CEP68: variants seen among roughly 807,000 people sequenced by gnomAD.
CEP68 encodes centrosomal protein of 68 kDa.
In CEP68, 26 loss-of-function variants were observed where a neutral mutation model predicts 55.3. The ratio of observed to expected loss-of-function variants is 0.47; its 90% confidence interval spans 0.34 to 0.65. The LOEUF (loss-of-function observed/expected upper bound fraction) is 0.65, where lower values mean the gene tolerates loss of function less well. Among genes scored for constraint, CEP68 ranks in the 30% least tolerant of loss-of-function variants. The pLI is 0.01. For synonymous variants in CEP68, 402 were observed against 383.2 expected (o/e 1.05, Z -0.57); for missense variants, 957 against 946.7 (o/e 1.01, Z -0.14).
At chr2:65,056,714 G>A (rs1675614941) in intron 1 of CEP68, among the ~76,000 whole-genome samples, 186 bp downstream of exon 1, 1 of 152,088 alleles carries the variant, frequency 6.6e-6, no homozygotes, top group Admixed American at 6.5e-5. Context: ...GGCTCCCTGG[G>A]GGGCGGGGGC....
rs1668948843 is a variant in CEP68, at chr2:65,084,054, ATTG to A, written c.*424_*426del. The A allele has an allele frequency of 6.6e-6, 1 of 152,210 alleles. No homozygotes were observed. The highest frequency in any genetic ancestry group is 1.5e-5 in the Non-Finnish European group (1 of 68,032). 9.4% of individuals were successfully genotyped at this position (152,210 alleles called of 1,614,324 possible). On this transcript the variant is annotated 3_prime_UTR_variant, in exon 7 of 7. Transcript: ENST00000377990. Reference sequence around the variant, plus strand: ...GGACCTAAGAGACTGAAAAAAGTGAATTGTTGGCCAGAAACCTTGGGTCTTTTC... The same window carrying A: ...GGACCTAAGAGACTGAAAAAAGTGAATTGGCCAGAAACCTTGGGTCTTTTC...
intron 3 of CEP68, 46 bp downstream of exon 3, chr2:65,073,026 C>T: frequency 6.3e-7 from 1 of 1,594,414 alleles, no homozygotes; most frequent in Non-Finnish European, 8.6e-7. Flanking sequence ...GGTGTCTTGT[C>T]TCTTCCCCCA....
At position 65,069,946 on chromosome 2, in the gene CEP68, C is replaced by T. The variant is rs1056010074; in HGVS notation, c.357+145C>T. 3.0e-5 allele frequency: 24 copies of T among 799,016 alleles called. No homozygotes were observed. The Admixed American group carries it at 3.0e-4, about 10-fold the overall frequency. 49.5% of individuals were successfully genotyped at this position (799,016 alleles called of 1,614,324 possible). ...CCTGAGTATGATGATTTCTGTTTTG[C>T]GGGTTCAGCTAGAGAGCTGGGCCTC... is the stretch of plus-strand genomic sequence containing the variant. On this transcript the variant is annotated intron_variant, in intron 2 of 6. Transcript: ENST00000377990.
intron 1 of CEP68, among the ~76,000 whole-genome samples, chr2:65,065,812 C>T (rs1242157211): frequency 6.6e-6 from 1 of 151,926 alleles, no homozygotes; most frequent in Non-Finnish European, 1.5e-5. Flanking sequence ...AAAAATTAGT[C>T]AGGCATGGTG....
At chr2:65,076,482 G>C (rs1026500706) in intron 4 of CEP68, among the ~76,000 whole-genome samples, 1 of 152,210 alleles carries the variant, frequency 6.6e-6, no homozygotes, top group African/African-American at 2.4e-5. Flanking sequence ...AAGTGGGACT[G>C]TACTGCTAGC....
intron 1 of CEP68, 36 bp from the exon 2 acceptor site, chr2:65,069,363 G>T (rs1334412380): frequency 9.2e-7 from 1 of 1,089,478 alleles, no homozygotes; most frequent in African/African-American, 1.6e-5. Context: ...AGATGTAGAA[G>T]ATTTATATTT....
At chr2:65,077,832 A>G (rs1358925172) in intron 4 of CEP68, 36 bp from the exon 5 acceptor site, 1 of 1,504,016 alleles carries the variant, frequency 6.6e-7, no homozygotes, top group Non-Finnish European at 9.2e-7. Flanking sequence ...AATAGTAACG[A>G]AGCTTCTGCC....
chr2:65,057,059 A>AT (rs200571833), intron 1 of CEP68, among the ~76,000 whole-genome samples: 154 of 152,036 alleles, frequency 1.0e-3, no homozygotes, highest in African/African-American at 3.3e-3. Context: ...AAGATGTCTC[A>AT]TTTTTTTTGC....
At chr2:65,065,808 T>C (rs973646181) in intron 1 of CEP68, among the ~76,000 whole-genome samples, 2 of 151,682 alleles carry the variant, frequency 1.3e-5, no homozygotes, top group Non-Finnish European at 2.9e-5. Context: ...ATACAAAAAT[T>C]AGTCAGGCAT....
At chr2:65,056,751 G>A (rs1236371583) in intron 1 of CEP68, among the ~76,000 whole-genome samples, 1 of 152,068 alleles carries the variant, frequency 6.6e-6, no homozygotes, top group African/African-American at 2.4e-5. Context: ...TCCATCTTGC[G>A]AGCGGAACGG....
Position 65,072,753 on chromosome 2 carries a change from G to C in CEP68, c.1657G>C (p.Gly553Arg), listed in dbSNP as rs533793094. The C allele has an allele frequency of 1.2e-4, 200 of 1,614,114 alleles. 1 individual carries two copies. The South Asian group carries it at 2.1e-3, about 17-fold the overall frequency. The change falls in exon 3 of 7, where the codon GGC becomes CGC. Residue 553 changes from glycine to arginine, a missense_variant. By Grantham distance (125) the Gly-to-Arg change is moderately radical. Coordinates refer to ENST00000377990, the MANE Select transcript of CEP68 (RefSeq NM_015147.3). The stretch of plus-strand genomic sequence containing the variant: ...CCTCCAAGGATCTGGGGATCCTGAG[G>C]GCCAGAATCCCTGTTTCCTGCGCTC... ...AALQGSGDPE[G>R]QNPCFLRSFV...
rs574178168 is a variant in CEP68 at position 65,074,526 on chromosome 2, C to T, written c.2007+122C>T. 20 of 1,387,496 alleles carry T rather than the reference C, an allele frequency of 1.4e-5. No homozygotes were observed. The African/African-American group carries it at 1.8e-4, about 13-fold the overall frequency. The allele number at this position is 1,387,496 out of a possible 1,614,324, so 85.9% of individuals were successfully genotyped here. On this transcript the variant is annotated intron_variant, in intron 4 of 6. Coordinates refer to ENST00000377990, the MANE Select transcript of CEP68 (RefSeq NM_015147.3). ...GTTATAGCTCAGTTGACTATTATAC[C>T]TGAAATCTAATTAGAGCTTCACATT...
chr2:65,082,582 G>C lies in CEP68; in HGVS notation c.2151G>C (p.Leu717=). 2 of 1,606,272 alleles carry C rather than the reference G, an allele frequency of 1.2e-6. No homozygotes were observed. The highest frequency in any genetic ancestry group is 1.7e-6 in the Non-Finnish European group (2 of 1,177,332). The change falls in exon 6 of 7, where the codon CTG becomes CTC. Residue 717 remains leucine (L), a synonymous_variant. Transcript: ENST00000377990. ...GGATCGCAAAGCAGTCTGGTGAGCT[G>C]GAGAGCCACGCAGATCGCCTGTATG... ...LGRIAKQSGE[L]ESHADRLYDS...
intron 4 of CEP68, chr2:65,074,680 C>G: frequency 2.5e-6 from 1 of 401,262 alleles, no homozygotes; most frequent in East Asian, 6.0e-5. Flanking sequence ...TGGGACAAGT[C>G]TTTTATCCCA....
Position 65,077,948 on chromosome 2 carries a change from G to C in CEP68, c.2088G>C (p.Leu696=). Residue 696 remains leucine (L), a synonymous_variant, in exon 5 of 7, where the codon CTG becomes CTC. Transcript: ENST00000377990. ...LQKGEILLQC[L]LENTPVLEDV... is the part of the protein sequence containing the mutation. ...AGGGGGAGATTCTTCTTCAGTGCCTGTTGGAGAACACCCCAGGTGAGATGC... is the reference window on the plus strand; with the variant it reads ...AGGGGGAGATTCTTCTTCAGTGCCTCTTGGAGAACACCCCAGGTGAGATGC... 6.2e-7 allele frequency: 1 copy of C among 1,613,520 alleles called. No homozygotes were observed. Among genetic ancestry groups the C allele is most frequent in the Non-Finnish European group, 8.5e-7 (1 of 1,179,484 alleles).
chr2:65,062,189 T>C (rs1675941968), intron 1 of CEP68, among the ~76,000 whole-genome samples: 1 of 152,090 alleles, frequency 6.6e-6, no homozygotes, highest in Non-Finnish European at 1.5e-5. Context: ...AGAACAGAGC[T>C]CCCTGGGCAA....
rs750523258 is a variant in CEP68, at chr2:65,072,795, G to A, written c.1699G>A (p.Asp567Asn). ...CFLRSFVRAH[D>N]SAGEGSLGSS... ...CCTGCGCTCCTTCGTCCGTGCCCAC[G>A]ACTCCGCAGGGGAAGGCAGTCTGGG... The change falls in exon 3 of 7, where the codon GAC becomes AAC. Residue 567 changes from aspartate (D) to asparagine (N), a missense_variant. By Grantham distance (23) the Asp-to-Asn change is conservative (BLOSUM62 1). Coordinates refer to ENST00000377990, the MANE Select transcript of CEP68 (RefSeq NM_015147.3). The A allele has an allele frequency of 3.7e-6, 6 of 1,614,124 alleles. No individual in the cohort carries two copies. Among genetic ancestry groups the A allele is most frequent in the East Asian group, 2.2e-5 (1 of 44,880 alleles).
Position 65,071,712 on chromosome 2 carries a change from A to G in CEP68, c.616A>G (p.Ser206Gly), listed in dbSNP as rs771966364. The change falls in exon 3 of 7, where the codon AGT (serine) becomes GGT (glycine). Residue 206 changes from serine to glycine, a missense_variant. Coordinates refer to ENST00000377990, the MANE Select transcript of CEP68 (RefSeq NM_015147.3). Reference protein sequence around the residue: ...CSISASSTGSSLQGHQERAEP... With the variant: ...CSISASSTGSGLQGHQERAEP... Reference sequence around the variant, plus strand: ...CATCTCTGCTTCCTCCACAGGCAGCAGTCTCCAGGGTCACCAGGAGAGGGC... The same window carrying G: ...CATCTCTGCTTCCTCCACAGGCAGCGGTCTCCAGGGTCACCAGGAGAGGGC... The G allele has an allele frequency of 3.7e-6, 6 of 1,613,986 alleles. No individual in the cohort carries two copies. In the Admixed American group the frequency reaches 1.0e-4, roughly 27 times the overall value.
Position 65,084,609 on chromosome 2 carries a change from G to A in CEP68, c.*975G>A, listed in dbSNP as rs914183799. On this transcript the variant is annotated 3_prime_UTR_variant, in exon 7 of 7. Transcript: ENST00000377990. ...AGATGATCAGTTATTGCTGGTAACT[G>A]CAGATTCTACAGAAAAGCACTTTTA... The A allele has an allele frequency of 6.6e-6, 1 of 151,838 alleles. No homozygotes were observed. Among genetic ancestry groups the A allele is most frequent in the African/African-American group, 2.4e-5 (1 of 41,320 alleles). The allele number at this position is 151,838 out of a possible 1,614,324, so 9.4% of individuals were successfully genotyped here.
Sources: gnomAD v4.1 joint callset for allele counts (sites outside exome capture counted in the v4.1 genomes callset) on GRCh38, gnomAD v4.1.1 for gene constraint, MANE v1.5 for transcripts, NCBI Gene and HGNC (gene_info 2026-07-23, HGNC 2026-07-21) for gene names.